Variants in CALCR observed in about 807,000 individuals in gnomAD.
The protein encoded by CALCR is calcitonin receptor.
In CALCR, 47 loss-of-function variants were observed where a neutral mutation model predicts 59.5. That is an observed-to-expected ratio of 0.79 (90% confidence interval 0.63 to 1.01). The LOEUF (loss-of-function observed/expected upper bound fraction) is 1.01. CALCR is among the 50% of genes least tolerant of loss of function. CALCR has a pLI of 0.00. For synonymous variants in CALCR, 213 were observed against 211.3 expected, an observed-to-expected ratio of 1.01 and a Z score of -0.07; for missense variants, 566 against 597.1, an observed-to-expected ratio of 0.95 and a Z score of 0.54.
intron 2 of CALCR, among the ~76,000 whole-genome samples, chr7:93,507,932 GA>G (rs879314285): frequency 6.4e-5 from 9 of 140,144 alleles, no homozygotes; most frequent in Admixed American, 2.1e-4. Context: ...CAAAAAAAAA[GA>G]AAAAAAAAAG....
intron 2 of CALCR, among the ~76,000 whole-genome samples, chr7:93,565,611 G>A (rs968271738): frequency 2.0e-5 from 3 of 152,164 alleles, no homozygotes; most frequent in Non-Finnish European, 2.9e-5. Context: ...CCTCGAGCAA[G>A]GATCATTCAC....
At chr7:93,569,909 C>T (rs1291805134) in intron 2 of CALCR, among the ~76,000 whole-genome samples, 1 of 149,732 alleles carries the variant, frequency 6.7e-6, no homozygotes, top group Non-Finnish European at 1.5e-5. Flanking sequence ...AAAAGCAGCT[C>T]TACAATGGAA....
intron 9 of CALCR, among the ~76,000 whole-genome samples, chr7:93,443,054 G>A (rs1254405621): frequency 6.6e-6 from 1 of 151,952 alleles, no homozygotes; most frequent in African/African-American, 2.4e-5. Context: ...AAGCTTTCCC[G>A]AGCCAATGCC....
At chr7:93,556,403 C>G (rs1351304809) in intron 2 of CALCR, among the ~76,000 whole-genome samples, 1 of 152,074 alleles carries the variant, frequency 6.6e-6, no homozygotes, top group African/African-American at 2.4e-5. Context: ...AAAATTTGCT[C>G]TAAAATATTT....
At chr7:93,559,789 G>A (rs1789702963) in intron 2 of CALCR, 1 of 151,914 alleles carries the variant, frequency 6.6e-6, no homozygotes, top group South Asian at 2.1e-4. Flanking sequence ...ACTTCTCACT[G>A]GTATTCCTGT....
intron 13 of CALCR, among the ~76,000 whole-genome samples, chr7:93,427,097 T>A (rs919770583): frequency 1.3e-5 from 2 of 152,234 alleles, no homozygotes; most frequent in Non-Finnish European, 2.9e-5. Context: ...GCCAGATACA[T>A]CTCTGGTTAA....
intron 8 of CALCR, 98 bp from the exon 9 acceptor site, chr7:93,443,855 C>T (rs1307060617): frequency 1.6e-5 from 16 of 1,029,968 alleles, no homozygotes; most frequent in Non-Finnish European, 1.6e-5. Context: ...TATCTGCATT[C>T]AGCTTGCAAG....
At chr7:93,485,475 T>C (rs1180344103) in intron 3 of CALCR, among the ~76,000 whole-genome samples, 1 of 151,750 alleles carries the variant, frequency 6.6e-6, no homozygotes, top group African/African-American at 2.4e-5. Context: ...TGTTAGTATT[T>C]AGTTCTTTCT....
At chr7:93,495,547 T>A (rs1801182315) in intron 2 of CALCR, among the ~76,000 whole-genome samples, 1 of 151,382 alleles carries the variant, frequency 6.6e-6, no homozygotes, top group African/African-American at 2.4e-5. Flanking sequence ...CTCCCTTTAT[T>A]ATTATTATTT....
intron 3 of CALCR, among the ~76,000 whole-genome samples, chr7:93,483,720 C>T (rs1800858828): frequency 1.3e-5 from 2 of 151,590 alleles, no homozygotes; most frequent in Admixed American, 6.6e-5. Context: ...ATGTAAGAGA[C>T]TTCAAATATC....
intron 7 of CALCR, among the ~76,000 whole-genome samples, chr7:93,465,626 G>GT (rs1361719140): frequency 6.6e-6 from 1 of 151,750 alleles, no homozygotes; most frequent in Non-Finnish European, 1.5e-5. Context: ...GAAAAATCTT[G>GT]TTTTTTCTAC....
At chr7:93,566,267 T>C (rs1214436112) in intron 2 of CALCR, among the ~76,000 whole-genome samples, 3 of 152,080 alleles carry the variant, frequency 2.0e-5, no homozygotes, top group Admixed American at 2.0e-4. Flanking sequence ...TGTGCAGTAA[T>C]GTTATGTTTG....
At chr7:93,506,174 T>C (rs1336048804) in intron 2 of CALCR, among the ~76,000 whole-genome samples, 1 of 152,172 alleles carries the variant, frequency 6.6e-6, no homozygotes, top group Non-Finnish European at 1.5e-5. Context: ...TTTCTTGGTA[T>C]GAGATGACGA....
intron 8 of CALCR, among the ~76,000 whole-genome samples, chr7:93,460,567 AAAAAAATATATATATATATATAT>A (rs1800298889): frequency 1.0e-5 from 1 of 98,860 alleles, no homozygotes; most frequent in Non-Finnish European, 1.9e-5. Context: ...AAAAAAAAAA[AAAAAAATATATATATATATATAT>A]ATGTATATAT....
At chr7:93,462,230 T>G in intron 7 of CALCR, 1 of 550,320 alleles carries the variant, frequency 1.8e-6, no homozygotes, top group South Asian at 2.5e-5. Context: ...AATAATATTT[T>G]TAAAAATTTA....
rs142557895 is a variant in CALCR at position 93,568,357 on chromosome 7, TCA to T, written c.-27+5930_-27+5931del. ...CAATCAGTGTCTCCATTTCCTCATT[TCA>T]CATTTATTTCTCAACCCACACCCAA... On this transcript the variant is annotated intron_variant, in intron 2 of 13. Transcript: ENST00000426151. 1.9e-3 allele frequency among the ~76,000 whole-genome samples: 287 copies of T among 152,258 alleles called. 7 individuals are homozygous for T. The East Asian group carries it at 0.05, about 26-fold the overall frequency.
At chr7:93,567,876 G>A (rs1375089991) in intron 2 of CALCR, among the ~76,000 whole-genome samples, 2 of 152,148 alleles carry the variant, frequency 1.3e-5, no homozygotes, top group East Asian at 3.9e-4. Context: ...AACTCATCCT[G>A]CTCTATGCAA....
intron 9 of CALCR, among the ~76,000 whole-genome samples, chr7:93,443,087 C>T (rs1366831421): frequency 6.6e-6 from 1 of 152,094 alleles, no homozygotes; most frequent in Admixed American, 6.6e-5. Context: ...GTCACACAGG[C>T]TCTACTTGGA....
chr7:93,462,107 T>A (rs1323623194), intron 7 of CALCR: 1 of 1,487,372 alleles, frequency 6.7e-7, no homozygotes, highest in South Asian at 1.2e-5. Context: ...TAGTTGTCAA[T>A]TTTCTGCAAT....
Sources: gnomAD v4.1 joint callset for allele counts (sites outside exome capture counted in the v4.1 genomes callset) on GRCh38, gnomAD v4.1.1 for gene constraint, MANE v1.5 for transcripts, NCBI Gene and HGNC (gene_info 2026-07-23, HGNC 2026-07-21) for gene names.